The following IQCH variants were observed in gnomAD, a reference collection of about 807,000 sequenced individuals.
The protein encoded by IQCH is IQ domain-containing protein H.
IQCH carries 98 observed loss-of-function variants against 117.0 expected under a neutral mutation model. That is an observed-to-expected ratio of 0.84 (90% CI 0.71 to 0.99). The LOEUF (loss-of-function observed/expected upper bound fraction) is 0.99, where lower values mean the gene tolerates loss of function less well. Among genes scored for constraint, IQCH ranks in the 50% least tolerant of loss-of-function variants. The probability of loss-of-function intolerance (pLI) is 0.00; values close to 1 mark genes in which losing one functional copy is unlikely to be tolerated. For synonymous variants in IQCH, 412 were observed against 448.2 expected, an observed-to-expected ratio of 0.92 and a Z score of 1.02; for missense variants, 1,102 against 1,243.8, an observed-to-expected ratio of 0.89 and a Z score of 1.72.
chr15:67,372,351 G>C lies in IQCH; in HGVS notation c.994G>C (p.Glu332Gln). The C allele has an allele frequency of 1.2e-6, 2 of 1,614,074 alleles. No individual in the cohort carries two copies. Among genetic ancestry groups the C allele is most frequent in the Non-Finnish European group, 1.7e-6 (2 of 1,180,014 alleles). The change falls in exon 9 of 21, where the codon GAG becomes CAG. Residue 332 changes from glutamate to glutamine, a missense_variant. Transcript: ENST00000335894. Reference protein sequence around the residue: ...NNLVALLPEFELTNKLTRYDL... With the variant: ...NNLVALLPEFQLTNKLTRYDL... ...TTTGGTGGCCCTCCTTCCAGAGTTTGAGCTGACGAATAAACTTACCAGATA... is the reference window on the plus strand; with the variant it reads ...TTTGGTGGCCCTCCTTCCAGAGTTTCAGCTGACGAATAAACTTACCAGATA...
chr15:67,463,108 C>T lies in IQCH; in HGVS notation c.2506-2019C>T, dbSNP rs2082838336. Among the ~76,000 whole-genome samples the T allele has an allele frequency of 6.6e-6, 1 of 152,198 alleles. No individual in the cohort carries two copies. The highest frequency in any genetic ancestry group is 6.5e-5 in the Admixed American group (1 of 15,286). ...ACATTCAATGCTTACTCAAGTCACT[C>T]ACTGCTAGATTTGTTTGACAGGAGT... On this transcript the variant is annotated intron_variant, in intron 16 of 20. Coordinates refer to ENST00000335894, the MANE Select transcript of IQCH (RefSeq NM_001031715.3). The surrounding 1 kb of genome is among the most constrained non-coding windows in gnomAD (Gnocchi z 4.0).
At chr15:67,480,748 G>T (rs943921278) in intron 18 of IQCH, among the ~76,000 whole-genome samples, 1 of 152,080 alleles carries the variant, frequency 6.6e-6, no homozygotes, top group Non-Finnish European at 1.5e-5. Flanking sequence ...TTATGAAGTG[G>T]TGAAATATTT....
rs1239671093 is a variant in IQCH, at chr15:67,421,675, A to G, written c.2505+98A>G. ...CAGGGCATATGAGGGCTCTTCTAAA[A>G]TGCACTGATTCTCTGATGAACTTGC... On this transcript the variant is annotated intron_variant, in intron 16 of 20. Coordinates refer to ENST00000335894, the MANE Select transcript of IQCH (RefSeq NM_001031715.3). 7 of 1,213,808 alleles carry G rather than the reference A, an allele frequency of 5.8e-6. No individual in the cohort carries two copies. The Admixed American group carries it at 1.2e-4, about 21-fold the overall frequency. 75.2% of individuals were successfully genotyped at this position (1,213,808 alleles called of 1,614,324 possible).
In IQCH at chr15:67,417,571, A is replaced by C. The variant is rs565783398; in HGVS notation, c.2218+520A>C. Reference sequence around the variant, plus strand: ...AGTTCTGAATATAGCATTTCCAAACAAGGGTTTTCTACAATCCAGGAACAA... The same window carrying C: ...AGTTCTGAATATAGCATTTCCAAACCAGGGTTTTCTACAATCCAGGAACAA... On this transcript the variant is annotated intron_variant, in intron 15 of 20. Coordinates refer to ENST00000335894, the MANE Select transcript of IQCH (RefSeq NM_001031715.3). The surrounding 1 kb of genome is among the most constrained non-coding windows in gnomAD (Gnocchi z 4.3). 1.3e-5 allele frequency among the ~76,000 whole-genome samples: 2 copies of C among 152,322 alleles called. No individual in the cohort carries two copies. The highest frequency in any genetic ancestry group is 3.4e-3 in the Middle Eastern group (1 of 294).
chr15:67,471,989 AAAAG>A (rs1347094506), intron 17 of IQCH, among the ~76,000 whole-genome samples: 1 of 152,232 alleles, frequency 6.6e-6, no homozygotes, highest in Non-Finnish European at 1.5e-5. Context: ...TGAGGAGCTG[AAAAG>A]AAAGGCCATA....
chr15:67,368,768 G>A (rs1305235561), intron 8 of IQCH, among the ~76,000 whole-genome samples: 1 of 152,104 alleles, frequency 6.6e-6, no homozygotes, highest in African/African-American at 2.4e-5. Flanking sequence ...TCTGATTATG[G>A]ATCCAGTTTA....
intron 4 of IQCH, among the ~76,000 whole-genome samples, chr15:67,298,182 C>T (rs1383431165): frequency 6.6e-6 from 1 of 151,192 alleles, no homozygotes; most frequent in Non-Finnish European, 1.5e-5. Flanking sequence ...GGTGTCGTAG[C>T]CTGTAATCCC....
In IQCH at chr15:67,426,081, C is replaced by T. The variant is rs533685748; in HGVS notation, c.2505+4504C>T. 2.6e-5 allele frequency among the ~76,000 whole-genome samples: 4 copies of T among 152,298 alleles called. No individual in the cohort carries two copies. The highest frequency in any genetic ancestry group is 9.6e-5 in the African/African-American group (4 of 41,558). On this transcript the variant is annotated intron_variant, in intron 16 of 20. Transcript: ENST00000335894. The surrounding 1 kb of genome is among the most constrained non-coding windows in gnomAD (Gnocchi z 5.1). ...CTGACACAATAAGATGTTCCAGGCT[C>T]ATTTTCTATTTTCCTTGCCCTGGAC...
chr15:67,416,536 C>CA lies in IQCH; in HGVS notation c.2098-389dup, dbSNP rs2081582582. 1.3e-5 allele frequency among the ~76,000 whole-genome samples: 2 copies of CA among 150,562 alleles called. No individual in the cohort carries two copies. The highest frequency in any genetic ancestry group is 3.9e-4 in the East Asian group (2 of 5,136). ...GCGTCTCAAAAAAAAAAAGAAAAAACAAAAAACAAAAACAAAAAAAACAGT... is the reference window on the plus strand; with the variant it reads ...GCGTCTCAAAAAAAAAAAGAAAAAACAAAAAAACAAAAACAAAAAAAACAGT... On this transcript the variant is annotated intron_variant, in intron 14 of 20. Coordinates refer to ENST00000335894, the MANE Select transcript of IQCH (RefSeq NM_001031715.3). The surrounding 1 kb of genome is among the most constrained non-coding windows in gnomAD (Gnocchi z 5.1).
At chr15:67,382,574 T>G (rs925580357) in intron 10 of IQCH, among the ~76,000 whole-genome samples, 4 of 152,254 alleles carry the variant, frequency 2.6e-5, no homozygotes, top group Non-Finnish European at 5.9e-5. Flanking sequence ...TTGTCCCTTC[T>G]GGACTTCTTC....
chr15:67,272,277 T>A (rs1455313388), intron 3 of IQCH, among the ~76,000 whole-genome samples: 1 of 152,182 alleles, frequency 6.6e-6, no homozygotes, highest in Non-Finnish European at 1.5e-5. Context: ...AAAAAATACT[T>A]AATATGGTTT....
Position 67,405,102 on chromosome 15 carries a change from C to CT in IQCH, c.2097+4803dup, listed in dbSNP as rs1215158761. ...TATTTGATTACTAGCAAGGGATATT[C>CT]TTTTTTCATGTCCTTATTATTTGTG... On this transcript the variant is annotated intron_variant, in intron 14 of 20. Transcript: ENST00000335894. This position sits in a 1 kb window ranked among gnomAD's most constrained non-coding sequence, Gnocchi z 4.8. 1 of 151,976 alleles carries CT rather than the reference C, an allele frequency of 6.6e-6. No individual in the cohort carries two copies. Among genetic ancestry groups the CT allele is most frequent in the African/African-American group, 2.4e-5 (1 of 41,386 alleles). 9.4% of individuals were successfully genotyped at this position (151,976 alleles called of 1,614,324 possible). A position where few individuals can be genotyped will look rare whatever the true frequency, so the allele number is the denominator to read the frequency against.
Position 67,384,802 on chromosome 15 carries a change from G to C in IQCH, c.1373-134G>C. 1 of 637,640 alleles carries C rather than the reference G, an allele frequency of 1.6e-6. No homozygotes were observed. The allele number at this position is 637,640 out of a possible 1,614,324, so 39.5% of individuals were successfully genotyped here. A position where few individuals can be genotyped will look rare whatever the true frequency, so the allele number is the denominator to read the frequency against. ...AACAAGCACCTCATTCTTCGGGATTGGGTTGTTTCTGTAAGATGCTTCAGA... is the reference window on the plus strand; with the variant it reads ...AACAAGCACCTCATTCTTCGGGATTCGGTTGTTTCTGTAAGATGCTTCAGA... On this transcript the variant is annotated intron_variant, in intron 10 of 20. Transcript: ENST00000335894. This position sits in a 1 kb window ranked among gnomAD's most constrained non-coding sequence, Gnocchi z 4.3.
At chr15:67,348,123 A>G (rs1295481903) in intron 6 of IQCH, among the ~76,000 whole-genome samples, 1 of 152,114 alleles carries the variant, frequency 6.6e-6, no homozygotes, top group Non-Finnish European at 1.5e-5. Context: ...CCTCAAACGG[A>G]TAAAAGATGT....
intron 16 of IQCH, among the ~76,000 whole-genome samples, chr15:67,450,414 T>G (rs183806963): frequency 2.8e-4 from 43 of 152,368 alleles, no homozygotes; most frequent in African/African-American, 8.4e-4. Context: ...CCTAATTTAT[T>G]GAGAATTTTT....
rs910807584 is a variant in IQCH, at chr15:67,491,858, C to T, written c.2861+1794C>T. Among the ~76,000 whole-genome samples the T allele has an allele frequency of 1.3e-5, 2 of 151,666 alleles. No individual in the cohort carries two copies. The highest frequency in any genetic ancestry group is 4.8e-5 in the African/African-American group (2 of 41,370). ...TTTATCAACTGTGCCAGGCACAGTT[C>T]TAGGTGCTGGGGAAACAACAATGAG... On this transcript the variant is annotated intron_variant, in intron 19 of 20. Coordinates refer to ENST00000335894, the MANE Select transcript of IQCH (RefSeq NM_001031715.3). The surrounding 1 kb of genome is among the most constrained non-coding windows in gnomAD (Gnocchi z 4.9).
At chr15:67,409,157 G>A (rs2286664) in intron 14 of IQCH, among the ~76,000 whole-genome samples, 110,265 of 152,002 alleles carry the variant, frequency 0.73, 40,587 homozygotes, top group African/African-American at 0.78. Flanking sequence ...GAAAAGGATC[G>A]CAGGCCCTCA....
At position 67,493,486 on chromosome 15, in the gene IQCH, G is replaced by C. The variant is rs2083719129; in HGVS notation, c.2862-772G>C. 6.6e-6 allele frequency among the ~76,000 whole-genome samples: 1 copy of C among 152,136 alleles called. No individual in the cohort carries two copies. The highest frequency in any genetic ancestry group is 2.4e-5 in the African/African-American group (1 of 41,426). On this transcript the variant is annotated intron_variant, in intron 19 of 20. Coordinates refer to ENST00000335894, the MANE Select transcript of IQCH (RefSeq NM_001031715.3). The surrounding 1 kb of genome is among the most constrained non-coding windows in gnomAD (Gnocchi z 5.1). ...TCATGAACAGGGCACATTCTCCTCT[G>C]AACATAGGCAGGACACTCTCATTAA...
At chr15:67,323,798 T>C (rs1968260324) in intron 4 of IQCH, among the ~76,000 whole-genome samples, 1 of 152,158 alleles carries the variant, frequency 6.6e-6, no homozygotes, top group African/African-American at 2.4e-5. Flanking sequence ...CACTGTATAA[T>C]AATTTTTGTT....
Sources: allele counts gnomAD v4.1 joint callset (sites outside exome capture counted in the v4.1 genomes callset), GRCh38; gene constraint gnomAD v4.1.1; non-coding constraint Gnocchi (gnomAD v3.1); transcripts MANE v1.5; gene names NCBI Gene and HGNC (gene_info 2026-07-23, HGNC 2026-07-21).